The following CLSTN2 variants were observed in gnomAD, a reference collection of about 807,000 sequenced individuals.
CLSTN2 encodes calsyntenin 2.
A neutral mutation model predicts 101.2 loss-of-function variants in CLSTN2; 48 were observed. The observed-to-expected ratio is 0.47, with a 90% CI of 0.38 to 0.60. CLSTN2 has a LOEUF of 0.60. CLSTN2 is among the 20% of genes least tolerant of loss of function. The pLI, the probability that CLSTN2 is intolerant of heterozygous loss-of-function variation, is 0.00. For synonymous variants in CLSTN2, 481 were observed against 463.6 expected (o/e 1.04, Z -0.48); for missense variants, 1,160 against 1,238.2 (o/e 0.94, Z 0.95).
intron 2 of CLSTN2, among the ~76,000 whole-genome samples, chr3:140,393,846 G>A (rs2088149753): frequency 6.6e-6 from 1 of 152,156 alleles, no homozygotes; most frequent in African/African-American, 2.4e-5. Flanking sequence ...GAGACATAGG[G>A]TTTAAAATGC....
intron 1 of CLSTN2, among the ~76,000 whole-genome samples, chr3:140,057,348 A>G (rs184529752): frequency 1.3e-5 from 2 of 152,230 alleles, no homozygotes; most frequent in Non-Finnish European, 2.9e-5. Context: ...AGCCTTTGCA[A>G]TAGCAGATGT....
chr3:140,494,626 C>T (rs890872651), intron 8 of CLSTN2, among the ~76,000 whole-genome samples: 26 of 152,272 alleles, frequency 1.7e-4, no homozygotes, highest in African/African-American at 6.3e-4. Flanking sequence ...CTACCTCACC[C>T]CCAACAGGTC....
At chr3:140,385,936 C>A (rs1282190993) in intron 2 of CLSTN2, among the ~76,000 whole-genome samples, 1 of 152,098 alleles carries the variant, frequency 6.6e-6, no homozygotes, top group Non-Finnish European at 1.5e-5. Flanking sequence ...AGGCAGGAGT[C>A]CAGAAATGGC....
intron 4 of CLSTN2, among the ~76,000 whole-genome samples, chr3:140,413,788 T>A (rs562402382): frequency 2.6e-5 from 4 of 152,208 alleles, no homozygotes; most frequent in African/African-American, 4.8e-5. Flanking sequence ...ATTAACATAA[T>A]GAAGGACAAA....
At chr3:140,269,656 C>T (rs987303320) in intron 2 of CLSTN2, among the ~76,000 whole-genome samples, 1 of 152,158 alleles carries the variant, frequency 6.6e-6, no homozygotes, top group African/African-American at 2.4e-5. Context: ...GTGCATAGCC[C>T]CACTTCTTGA....
At chr3:140,180,833 G>A (rs937282157) in intron 2 of CLSTN2, among the ~76,000 whole-genome samples, 3 of 152,174 alleles carry the variant, frequency 2.0e-5, no homozygotes, top group Admixed American at 1.3e-4. Context: ...TGGTTACAGT[G>A]CTGGTTGCAG....
chr3:140,496,308 T>G (rs1300745561), intron 8 of CLSTN2, among the ~76,000 whole-genome samples: 3 of 152,226 alleles, frequency 2.0e-5, no homozygotes, highest in Non-Finnish European at 4.4e-5. Context: ...TTTTGCACAT[T>G]GATTTTGTAT....
chr3:140,055,100 G>T (rs756155677), intron 1 of CLSTN2, among the ~76,000 whole-genome samples: 4 of 152,200 alleles, frequency 2.6e-5, no homozygotes, highest in Non-Finnish European at 5.9e-5. Context: ...TAGGAAAGCA[G>T]CTCAGTGATG....
chr3:140,017,217 C>A (rs957226181), intron 1 of CLSTN2, among the ~76,000 whole-genome samples: 13 of 152,194 alleles, frequency 8.5e-5, no homozygotes, highest in African/African-American at 2.4e-4. Flanking sequence ...CCTCTCAGGT[C>A]TGGAGATGGC....
chr3:139,964,473 G>A (rs182304340), intron 1 of CLSTN2, among the ~76,000 whole-genome samples: 121 of 152,308 alleles, frequency 7.9e-4, no homozygotes, highest in Admixed American at 1.6e-3. Context: ...AAGCTGCAGG[G>A]TAGAGGTGAC....
chr3:140,276,254 G>T (rs1321139241), intron 2 of CLSTN2, among the ~76,000 whole-genome samples: 1 of 152,220 alleles, frequency 6.6e-6, no homozygotes, highest in Non-Finnish European at 1.5e-5. Flanking sequence ...CCATTCACAG[G>T]TAACTGAGAA....
At chr3:140,407,141 G>A (rs756758383) in intron 4 of CLSTN2, among the ~76,000 whole-genome samples, 2 of 152,114 alleles carry the variant, frequency 1.3e-5, no homozygotes, top group African/African-American at 2.4e-5. Context: ...ACACAGAGAC[G>A]GCTCCCATTC....
intron 1 of CLSTN2, among the ~76,000 whole-genome samples, chr3:139,951,930 G>A (rs1360287930): frequency 6.6e-6 from 1 of 152,064 alleles, no homozygotes; most frequent in African/African-American, 2.4e-5. Flanking sequence ...ATAGAGGTGA[G>A]GGTTTTTATT....
At chr3:140,328,149 A>G (rs1016185458) in intron 2 of CLSTN2, among the ~76,000 whole-genome samples, 1 of 152,230 alleles carries the variant, frequency 6.6e-6, no homozygotes, top group African/African-American at 2.4e-5. Context: ...ACAGACTAGG[A>G]AGTTATGGGA....
At chr3:140,543,854 A>G (rs1935534103) in intron 9 of CLSTN2, among the ~76,000 whole-genome samples, 1 of 152,256 alleles carries the variant, frequency 6.6e-6, no homozygotes, top group South Asian at 2.1e-4. Context: ...TCCTGGATCA[A>G]TTCCTGTAGC....
chr3:140,215,268 C>T (rs1267632906), intron 2 of CLSTN2, among the ~76,000 whole-genome samples: 1 of 152,180 alleles, frequency 6.6e-6, no homozygotes, highest in Non-Finnish European at 1.5e-5. Flanking sequence ...TTCTCTCCTC[C>T]CATTTCCCCT....
chr3:140,018,821 C>T (rs988074106), intron 1 of CLSTN2, among the ~76,000 whole-genome samples: 1 of 152,202 alleles, frequency 6.6e-6, no homozygotes, highest in African/African-American at 2.4e-5. Flanking sequence ...GCTAAGTAAA[C>T]ATTAAGTACT....
intron 2 of CLSTN2, among the ~76,000 whole-genome samples, chr3:140,345,395 C>T (rs1248752175): frequency 1.3e-5 from 2 of 151,600 alleles, no homozygotes; most frequent in African/African-American, 4.9e-5. Context: ...ATTACAGGCG[C>T]CTGCCACCAT....
At chr3:140,005,168 T>C (rs1237454068) in intron 1 of CLSTN2, among the ~76,000 whole-genome samples, 1 of 152,158 alleles carries the variant, frequency 6.6e-6, no homozygotes, top group Non-Finnish European at 1.5e-5. Context: ...AGGAAGGTCA[T>C]GGCAGGGCAG....
Sources: allele counts gnomAD v4.1 joint callset (sites outside exome capture counted in the v4.1 genomes callset), GRCh38; gene constraint gnomAD v4.1.1; transcripts MANE v1.5; gene names NCBI Gene and HGNC (gene_info 2026-07-23, HGNC 2026-07-21).